Variants in ADGRV1 observed in about 807,000 individuals in gnomAD.
The protein encoded by ADGRV1 is G-protein coupled receptor 98.
Under a neutral mutation model 596.2 loss-of-function variants are expected in ADGRV1, and 359 were observed. The ratio of observed to expected loss-of-function variants is 0.60; its 90% CI spans 0.55 to 0.66. The LOEUF is 0.66. Among genes scored for constraint, ADGRV1 ranks in the 30% least tolerant of loss-of-function variants. The pLI, the probability that ADGRV1 is intolerant of heterozygous loss-of-function variation, is 0.00. For synonymous variants in ADGRV1, 2,681 were observed against 2,679.2 expected (o/e 1.00, Z -0.02); for missense variants, 7,274 against 7,575.6 (o/e 0.96, Z 1.48).
chr5:90,644,070 T>A, intron 14 of ADGRV1, 87 bp downstream of exon 14: 4 of 945,160 alleles, frequency 4.2e-6, no homozygotes, highest in Non-Finnish European at 6.1e-6. Flanking sequence ...AACTAGTTAT[T>A]TCTAGTTGCT....
At chr5:90,768,988 T>A (rs1472007673) in intron 59 of ADGRV1, among the ~76,000 whole-genome samples, 1 of 152,146 alleles carries the variant, frequency 6.6e-6, no homozygotes, top group African/African-American at 2.4e-5. Context: ...TTCAGAGCTG[T>A]CTGAGTTAGA....
chr5:90,734,102 C>T (rs1393680638), intron 50 of ADGRV1, among the ~76,000 whole-genome samples: 1 of 152,076 alleles, frequency 6.6e-6, no homozygotes, highest in Non-Finnish European at 1.5e-5. Flanking sequence ...GAATTTTGTT[C>T]TTTTTTTGAA....
intron 6 of ADGRV1, chr5:90,626,570 A>G (rs1764788149): frequency 6.6e-6 from 1 of 152,068 alleles, no homozygotes; most frequent in Non-Finnish European, 1.5e-5. Flanking sequence ...TAACCCCAAG[A>G]TTTCTCTGCA....
chr5:90,674,943 G>C (rs1177870568), intron 23 of ADGRV1, among the ~76,000 whole-genome samples: 2 of 152,094 alleles, frequency 1.3e-5, no homozygotes, highest in Admixed American at 6.6e-5. Context: ...GTAAAAGTTA[G>C]AAAATATGTA....
At chr5:90,840,219 A>T (rs960146414) in intron 77 of ADGRV1, among the ~76,000 whole-genome samples, 12 of 152,110 alleles carry the variant, frequency 7.9e-5, no homozygotes, top group Admixed American at 6.5e-4. Context: ...CAGTGAAAAT[A>T]TAAATATTCC....
intron 83 of ADGRV1, among the ~76,000 whole-genome samples, chr5:90,911,856 T>C (rs1272026098): frequency 6.6e-6 from 1 of 152,150 alleles, no homozygotes; most frequent in Admixed American, 6.6e-5. Flanking sequence ...GAAACTGTCA[T>C]GGTCCCACAG....
At position 90,903,826 on chromosome 5, in the gene ADGRV1, T is replaced by G. The variant is rs181905685; in HGVS notation, c.17856+39969T>G. Among the ~76,000 whole-genome samples, 33 of 152,184 alleles carry G rather than the reference T, an allele frequency of 2.2e-4. No homozygotes were observed. The East Asian group carries it at 6.0e-3, about 28-fold the overall frequency. On this transcript the variant is annotated intron_variant, in intron 83 of 89. Coordinates refer to ENST00000405460, the MANE Select transcript of ADGRV1 (RefSeq NM_032119.4). ...TATACAATTAAATTATTATTGACTA[T>G]AGTCACCCTGTTGTGCTGTCAAATA...
Position 91,030,973 on chromosome 5 carries a change from G to A in ADGRV1, c.18153-41474G>A, listed in dbSNP as rs553838423. The A allele has an allele frequency of 6.9e-5, 88 of 1,276,068 alleles. No homozygotes were observed. The African/African-American group carries it at 9.7e-4, about 14-fold the overall frequency. 79.0% of individuals were successfully genotyped at this position (1,276,068 alleles called of 1,614,324 possible). On this transcript the variant is annotated intron_variant, in intron 85 of 89. Transcript: ENST00000405460. ...CAGTTTTGTAATCAAAGGAAAAAAC[G>A]TCGACTGATTTTATATGTCAATCAG... is the stretch of plus-strand genomic sequence containing the variant.
chr5:91,145,969 G>T (rs1480678636), intron 87 of ADGRV1, among the ~76,000 whole-genome samples: 1 of 152,048 alleles, frequency 6.6e-6, no homozygotes, highest in Non-Finnish European at 1.5e-5. Context: ...GACTTTTTAT[G>T]ATTATACCAA....
At chr5:91,069,920 T>C (rs927773416) in intron 85 of ADGRV1, among the ~76,000 whole-genome samples, 7 of 121,704 alleles carry the variant, frequency 5.8e-5, no homozygotes, top group Admixed American at 2.7e-4. Flanking sequence ...TAGAATACAA[T>C]GTAGCCACAA....
intron 87 of ADGRV1, among the ~76,000 whole-genome samples, chr5:91,126,021 C>T (rs1306577310): frequency 6.6e-6 from 1 of 152,184 alleles, no homozygotes; most frequent in Non-Finnish European, 1.5e-5. Context: ...TTTATAGTAA[C>T]ATCTTCTGAT....
intron 4 of ADGRV1, 93 bp downstream of exon 4, chr5:90,619,274 T>A (rs1763745142): frequency 9.4e-6 from 5 of 533,816 alleles, no homozygotes; most frequent in Non-Finnish European, 1.6e-5. Flanking sequence ...AGTATCATGC[T>A]GTGTTTTGAT....
At chr5:90,767,589 A>G (rs1360855870) in intron 59 of ADGRV1, among the ~76,000 whole-genome samples, 1 of 152,222 alleles carries the variant, frequency 6.6e-6, no homozygotes, top group Non-Finnish European at 1.5e-5. Flanking sequence ...AAATGAATGG[A>G]GAATAAACAT....
chr5:90,811,777 T>C (rs1376258802), intron 74 of ADGRV1, among the ~76,000 whole-genome samples: 1 of 152,118 alleles, frequency 6.6e-6, no homozygotes, highest in East Asian at 1.9e-4. Context: ...TGCCTTTTGT[T>C]TTGCTTTTGA....
intron 87 of ADGRV1, among the ~76,000 whole-genome samples, chr5:91,133,761 T>A (rs1409257023): frequency 6.6e-6 from 1 of 152,210 alleles, no homozygotes; most frequent in Admixed American, 6.5e-5. Flanking sequence ...TAACTTTGAT[T>A]TGCTACTGCC....
At chr5:90,664,085 T>C (rs1209898943) in intron 21 of ADGRV1, among the ~76,000 whole-genome samples, 1 of 145,704 alleles carries the variant, frequency 6.9e-6, no homozygotes, top group East Asian at 2.0e-4. Flanking sequence ...AGGATTGCCT[T>C]GGCGATGCGG....
In ADGRV1 at chr5:90,625,232, C is replaced by G; in HGVS notation, c.661C>G (p.Leu221Val). ...RATVIYNLTV[L>V]DDEVPENDEI... ...AACAGTAATTTATAACTTGACAGTA[C>G]TCGATGACGAGGTTGGCTAATGTTA... is the stretch of plus-strand genomic sequence containing the variant. Residue 221 changes from leucine (L) to valine (V), a missense_variant, in exon 6 of 90, where the codon CTC (leucine) becomes GTC (valine). Leu to Val is a conservative substitution (Grantham distance 32, BLOSUM62 1). Around this residue, in one of 5 missense-constraint regions of ADGRV1, gnomAD observed 1,715 missense variants for 1,708.8 expected, o/e 1.00. Coordinates refer to ENST00000405460, the MANE Select transcript of ADGRV1 (RefSeq NM_032119.4). The G allele has an allele frequency of 6.2e-7, 1 of 1,608,428 alleles. No individual in the cohort carries two copies. The highest frequency in any genetic ancestry group is 8.5e-7 in the Non-Finnish European group (1 of 1,175,134).
intron 59 of ADGRV1, among the ~76,000 whole-genome samples, chr5:90,765,162 C>A (rs1756966087): frequency 6.6e-6 from 1 of 152,104 alleles, no homozygotes; most frequent in African/African-American, 2.4e-5. Context: ...CAGAACTGGG[C>A]CTTTCACCAG....
At chr5:90,862,622 C>A (rs1767716720) in intron 82 of ADGRV1, among the ~76,000 whole-genome samples, 1 of 152,138 alleles carries the variant, frequency 6.6e-6, no homozygotes, top group Non-Finnish European at 1.5e-5. Flanking sequence ...GACCCAGGAC[C>A]TACACACCTG....
Sources: allele counts gnomAD v4.1 joint callset (sites outside exome capture counted in the v4.1 genomes callset), GRCh38; gene constraint gnomAD v4.1.1; regional missense constraint gnomAD v4.1.1; transcripts MANE v1.5; gene names NCBI Gene and HGNC (gene_info 2026-07-23, HGNC 2026-07-21).